Variants in MACROD2 observed in about 807,000 individuals in gnomAD.
MACROD2 encodes the protein ADP-ribose glycohydrolase MACROD2.
A neutral mutation model predicts 70.4 loss-of-function variants in MACROD2; 36 were observed. The ratio of observed to expected loss-of-function variants is 0.51; its 90% CI spans 0.39 to 0.68. The LOEUF is 0.68. Among genes scored for constraint, MACROD2 ranks in the 30% least tolerant of loss-of-function variants. The pLI, the probability that MACROD2 is intolerant of heterozygous loss-of-function variation, is 0.00. For synonymous variants in MACROD2, 172 were observed against 178.8 expected, an observed-to-expected ratio of 0.96 and a Z score of 0.30; for missense variants, 496 against 538.4, an observed-to-expected ratio of 0.92 and a Z score of 0.78.
At chr20:14,549,891 A>G (rs1209802856) in intron 4 of MACROD2, among the ~76,000 whole-genome samples, 1 of 151,636 alleles carries the variant, frequency 6.6e-6, no homozygotes, top group East Asian at 1.9e-4. Context: ...CATATCAATC[A>G]CACCTTTTTA....
intron 6 of MACROD2, among the ~76,000 whole-genome samples, chr20:15,306,704 G>A (rs1244631907): frequency 6.6e-6 from 1 of 152,150 alleles, no homozygotes; most frequent in Non-Finnish European, 1.5e-5. Context: ...GTGTAATCAG[G>A]AGCAGACTGT....
At chr20:15,039,850 T>A (rs556569571) in intron 5 of MACROD2, among the ~76,000 whole-genome samples, 1 of 152,316 alleles carries the variant, frequency 6.6e-6, no homozygotes, top group South Asian at 2.1e-4. Flanking sequence ...GTCATTTTTT[T>A]CAACACAATG....
intron 15 of MACROD2, among the ~76,000 whole-genome samples, chr20:16,017,032 T>C (rs1309170684): frequency 6.6e-6 from 1 of 152,240 alleles, no homozygotes; most frequent in African/African-American, 2.4e-5. Flanking sequence ...TTTGGTTCCC[T>C]TGCTTTATCT....
At chr20:15,490,178 CCTTCCTTCCTTT>C (rs1204406818) in intron 7 of MACROD2, among the ~76,000 whole-genome samples, 3 of 150,930 alleles carry the variant, frequency 2.0e-5, no homozygotes, top group Non-Finnish European at 4.4e-5. Flanking sequence ...TCCTTTCCTT[CCTTCCTTCCTTT>C]CTTCCTCCCT....
At chr20:14,459,300 C>A (rs1164943301) in intron 3 of MACROD2, among the ~76,000 whole-genome samples, 1 of 151,828 alleles carries the variant, frequency 6.6e-6, no homozygotes, top group African/African-American at 2.4e-5. Flanking sequence ...AGAAAGAAGG[C>A]AAATAATCAG....
At chr20:14,333,301 G>A (rs1194566315) in intron 3 of MACROD2, among the ~76,000 whole-genome samples, 24 of 152,028 alleles carry the variant, frequency 1.6e-4, no homozygotes, top group Admixed American at 6.6e-4. Context: ...TCCCCGGTAC[G>A]TTTCTGACAA....
intron 3 of MACROD2, among the ~76,000 whole-genome samples, chr20:14,464,304 T>C (rs531879297): frequency 6.6e-6 from 1 of 152,142 alleles, no homozygotes; most frequent in African/African-American, 2.4e-5. Context: ...TCTTCTAGAT[T>C]TTCTAGTTTA....
intron 3 of MACROD2, among the ~76,000 whole-genome samples, chr20:14,379,374 A>G (rs1340164495): frequency 2.0e-5 from 3 of 152,178 alleles, no homozygotes; most frequent in Admixed American, 6.5e-5. Context: ...TGTAATTTAC[A>G]TATAATACAG....
chr20:15,918,011 CAG>C (rs1246601917), intron 10 of MACROD2, among the ~76,000 whole-genome samples: 3 of 151,106 alleles, frequency 2.0e-5, no homozygotes, highest in Non-Finnish European at 4.4e-5. Flanking sequence ...GAAAACTGTG[CAG>C]AGACTTGAAA....
Position 15,928,154 on chromosome 20 carries a change from G to T in MACROD2, c.776-5122G>T, listed in dbSNP as rs73900811. ...AAAAAGAATGTCCTTGTTTGTAGAA[G>T]ATATATACTAAAGTATTCAAGGCTG... On this transcript the variant is annotated intron_variant, in intron 10 of 17. Transcript: ENST00000684519. Among the ~76,000 whole-genome samples, 3 of 152,296 alleles carry T rather than the reference G, an allele frequency of 2.0e-5. No homozygotes were observed. In the South Asian group the frequency reaches 6.2e-4, roughly 32 times the overall value.
chr20:15,658,190 GACAAA>G (rs2049760821), intron 8 of MACROD2, among the ~76,000 whole-genome samples: 1 of 148,702 alleles, frequency 6.7e-6, no homozygotes, highest in Non-Finnish European at 1.5e-5. Context: ...AAAAAATATA[GACAAA>G]ACAAAAGCTT....
chr20:14,481,301 A>G (rs888766468), intron 3 of MACROD2, among the ~76,000 whole-genome samples: 2 of 152,152 alleles, frequency 1.3e-5, no homozygotes, highest in Non-Finnish European at 2.9e-5. Flanking sequence ...TGTTCATATT[A>G]CCTGAAGTCA....
At chr20:14,007,180 A>G (rs1461169921) in intron 2 of MACROD2, among the ~76,000 whole-genome samples, 1 of 149,070 alleles carries the variant, frequency 6.7e-6, no homozygotes, top group Non-Finnish European at 1.5e-5. Context: ...TATTTGTCAG[A>G]CTTCTATAAA....
chr20:14,957,099 A>AT (rs574332968), intron 5 of MACROD2, among the ~76,000 whole-genome samples: 6 of 151,894 alleles, frequency 4.0e-5, no homozygotes, highest in South Asian at 4.2e-4. Context: ...ATTATCAATG[A>AT]TTTTTTTTAG....
chr20:14,621,891 G>T lies in MACROD2; in HGVS notation c.302-62952G>T, dbSNP rs374551419. 3 of 152,232 alleles carry T rather than the reference G, an allele frequency of 2.0e-5. No homozygotes were observed. The East Asian group carries it at 5.8e-4, about 29-fold the overall frequency. 9.4% of individuals were successfully genotyped at this position (152,232 alleles called of 1,614,324 possible). ...AGCAATATTGACTTTGATGCAAAAA[G>T]ACCACAGTCAGGCCTTGGGAGGATT... On this transcript the variant is annotated intron_variant, in intron 4 of 17. Coordinates refer to ENST00000684519, the MANE Select transcript of MACROD2 (RefSeq NM_001351661.2).
chr20:14,022,694 G>C (rs140689912), intron 2 of MACROD2, among the ~76,000 whole-genome samples: 3,411 of 152,108 alleles, frequency 0.022, 136 homozygotes, highest in African/African-American at 0.075. Context: ...AACATGTGGT[G>C]GTTGGTTTTC....
intron 6 of MACROD2, among the ~76,000 whole-genome samples, chr20:15,257,425 C>G (rs1373031535): frequency 6.6e-6 from 1 of 152,000 alleles, no homozygotes; most frequent in Non-Finnish European, 1.5e-5. Flanking sequence ...GGCACCCATG[C>G]TGGTACTTTG....
At chr20:15,853,478 CAT>C (rs1449267712) in intron 8 of MACROD2, among the ~76,000 whole-genome samples, 1 of 152,136 alleles carries the variant, frequency 6.6e-6, no homozygotes, top group Non-Finnish European at 1.5e-5. Context: ...AACTTCATCA[CAT>C]GAGTTCTTTA....
At chr20:14,280,411 G>T (rs1464564141) in intron 3 of MACROD2, among the ~76,000 whole-genome samples, 1 of 151,968 alleles carries the variant, frequency 6.6e-6, no homozygotes, top group Non-Finnish European at 1.5e-5. Context: ...ATAAAATATT[G>T]GTTCAAGAAT....
Sources: gnomAD v4.1 joint callset for allele counts (sites outside exome capture counted in the v4.1 genomes callset) on GRCh38, gnomAD v4.1.1 for gene constraint, MANE v1.5 for transcripts, NCBI Gene and HGNC (gene_info 2026-07-23, HGNC 2026-07-21) for gene names.